Variants in CCSER1 observed in about 807,000 individuals in gnomAD.
CCSER1 encodes coiled-coil serine rich protein 1, also known as serine-rich coiled-coil domain-containing protein 1.
CCSER1 carries 41 observed loss-of-function variants against 82.0 expected under a neutral mutation model. The ratio of observed to expected loss-of-function variants is 0.50; its 90% CI spans 0.39 to 0.65. CCSER1 has a LOEUF of 0.65. Ranked by LOEUF, CCSER1 falls within the 30% of genes least tolerant of loss-of-function variation. The probability of loss-of-function intolerance (pLI) is 0.00; values close to 1 mark genes in which losing one functional copy is unlikely to be tolerated. For synonymous variants in CCSER1, 414 were observed against 383.9 expected (o/e 1.08, Z -0.92); for missense variants, 1,119 against 1,064.2 (o/e 1.05, Z -0.72).
chr4:91,452,623 T>C (rs1484982521), intron 10 of CCSER1, among the ~76,000 whole-genome samples: 4 of 152,044 alleles, frequency 2.6e-5, no homozygotes, highest in African/African-American at 7.2e-5. Context: ...CCAAATGTGC[T>C]GAGATACTAT....
chr4:90,491,885 T>C (rs1768087263), intron 5 of CCSER1, among the ~76,000 whole-genome samples: 1 of 152,174 alleles, frequency 6.6e-6, no homozygotes, highest in African/African-American at 2.4e-5. Flanking sequence ...TAATGGTTGA[T>C]AAGCTTTTTG....
chr4:91,425,353 T>C (rs376857652), intron 10 of CCSER1, among the ~76,000 whole-genome samples: 1 of 152,166 alleles, frequency 6.6e-6, no homozygotes, highest in Admixed American at 6.5e-5. Context: ...CAGAATGTCA[T>C]ATAAATTACA....
rs202091224 is a variant in CCSER1 at position 90,309,539 on chromosome 4, A to T, written c.1255A>T (p.Ile419Leu). The change falls in exon 2 of 11, where the codon ATA becomes TTA. Residue 419 changes from isoleucine (I) to leucine (L), a missense_variant. Ile to Leu is a conservative substitution (Grantham distance 5). Coordinates refer to ENST00000509176, the MANE Select transcript of CCSER1 (RefSeq NM_001145065.2). The part of the protein sequence containing the change: ...GIHPISDSKI[I>L]PTSGDHHIFN... Reference sequence around the variant, plus strand: ...CCATCCTATTTCAGATTCAAAGATAATACCTACTTCTGGTGATCATCATAT... The same window carrying T: ...CCATCCTATTTCAGATTCAAAGATATTACCTACTTCTGGTGATCATCATAT... 6.2e-6 allele frequency: 10 copies of T among 1,612,276 alleles called. No individual in the cohort carries two copies. Among genetic ancestry groups the T allele is most frequent in the Non-Finnish European group, 5.9e-6 (7 of 1,179,118 alleles).
At chr4:90,739,393 GTC>G (rs2149436747) in intron 7 of CCSER1, among the ~76,000 whole-genome samples, 1 of 152,282 alleles carries the variant, frequency 6.6e-6, no homozygotes, top group East Asian at 1.9e-4. Context: ...GCAGAGAGAA[GTC>G]TCTCCCAGAG....
intron 9 of CCSER1, among the ~76,000 whole-genome samples, chr4:91,069,060 G>A (rs1484900555): frequency 1.3e-5 from 2 of 152,086 alleles, no homozygotes; most frequent in Non-Finnish European, 2.9e-5. Flanking sequence ...TGTAACCCCA[G>A]CTACTAGGGA....
At chr4:90,222,804 A>G (rs77745338) in intron 1 of CCSER1, among the ~76,000 whole-genome samples, 3,659 of 152,292 alleles carry the variant, frequency 0.024, 143 homozygotes, top group African/African-American at 0.076. Flanking sequence ...TGAGTAAATT[A>G]TAGATTCATA....
intron 1 of CCSER1, among the ~76,000 whole-genome samples, chr4:90,155,047 A>G (rs1025671206): frequency 1.3e-5 from 2 of 152,200 alleles, no homozygotes; most frequent in African/African-American, 4.8e-5. Context: ...ATTTTGAGAT[A>G]CATCCCATCA....
intron 8 of CCSER1, among the ~76,000 whole-genome samples, chr4:90,893,612 A>T (rs1380045991): frequency 6.6e-6 from 1 of 152,018 alleles, no homozygotes; most frequent in African/African-American, 2.4e-5. Context: ...ACACAGAAAC[A>T]TTTAAAATAG....
At chr4:91,168,609 A>T (rs934953839) in intron 10 of CCSER1, among the ~76,000 whole-genome samples, 4 of 149,694 alleles carry the variant, frequency 2.7e-5, no homozygotes, top group African/African-American at 7.4e-5. Flanking sequence ...CTGGGAAGTG[A>T]GGAGCATCTC....
chr4:90,345,127 T>C (rs1041430619), intron 3 of CCSER1, among the ~76,000 whole-genome samples: 8 of 152,088 alleles, frequency 5.3e-5, no homozygotes, highest in Non-Finnish European at 8.8e-5. Flanking sequence ...ATTTTACCAA[T>C]GATGATGACA....
chr4:90,197,958 A>G (rs972253439), intron 1 of CCSER1, among the ~76,000 whole-genome samples: 1 of 152,192 alleles, frequency 6.6e-6, no homozygotes, highest in African/African-American at 2.4e-5. Context: ...CAAAGAATAA[A>G]TGCTTGAAGG....
intron 4 of CCSER1, 62 bp downstream of exon 4, chr4:90,400,191 A>G: frequency 1.1e-6 from 1 of 885,724 alleles, no homozygotes; most frequent in South Asian, 1.7e-5. Flanking sequence ...GCTTTCACTG[A>G]TAGCCTAAAC....
intron 10 of CCSER1, among the ~76,000 whole-genome samples, chr4:91,265,344 G>A (rs1006792551): frequency 2.0e-5 from 3 of 152,030 alleles, no homozygotes; most frequent in Non-Finnish European, 2.9e-5. Flanking sequence ...AACAACATAA[G>A]GGTGTGAGCT....
chr4:90,599,467 A>G (rs767928854), intron 5 of CCSER1, among the ~76,000 whole-genome samples: 8 of 152,162 alleles, frequency 5.3e-5, no homozygotes, highest in Non-Finnish European at 1.0e-4. Context: ...CTGTGACTCA[A>G]TAAAAACTCT....
intron 3 of CCSER1, among the ~76,000 whole-genome samples, chr4:90,364,049 G>T (rs1346805827): frequency 6.6e-6 from 1 of 152,054 alleles, no homozygotes; most frequent in African/African-American, 2.4e-5. Flanking sequence ...AGTAGGAAAT[G>T]ATTTTGCTTT....
chr4:91,424,956 C>G (rs1753886988), intron 10 of CCSER1, among the ~76,000 whole-genome samples: 3 of 152,072 alleles, frequency 2.0e-5, no homozygotes, highest in Admixed American at 1.3e-4. Context: ...TATTATTCCT[C>G]TCAGTAAAAT....
chr4:91,068,274 T>C (rs2148758823), intron 9 of CCSER1, among the ~76,000 whole-genome samples: 1 of 152,334 alleles, frequency 6.6e-6, no homozygotes, highest in East Asian at 1.9e-4. Context: ...GGTCATTTTA[T>C]TTTCAGTTAG....
At chr4:90,239,650 A>T (rs954297430) in intron 1 of CCSER1, among the ~76,000 whole-genome samples, 3 of 151,202 alleles carry the variant, frequency 2.0e-5, no homozygotes, top group African/African-American at 7.3e-5. Flanking sequence ...ATTATTTTTA[A>T]TTTTTTTTTG....
chr4:90,232,691 A>G (rs1470676643), intron 1 of CCSER1, among the ~76,000 whole-genome samples: 8 of 143,210 alleles, frequency 5.6e-5, no homozygotes, highest in Non-Finnish European at 1.2e-4. Context: ...CAGGCAACCT[A>G]CAAAATGGGA....
Sources: allele counts gnomAD v4.1 joint callset (sites outside exome capture counted in the v4.1 genomes callset), GRCh38; gene constraint gnomAD v4.1.1; transcripts MANE v1.5; gene names NCBI Gene and HGNC (gene_info 2026-07-23, HGNC 2026-07-21).